Variants in CSMD2 observed in about 807,000 individuals in gnomAD.
The protein encoded by CSMD2 is CUB and Sushi multiple domains 2.
A neutral mutation model predicts 398.5 loss-of-function variants in CSMD2; 130 were observed. That is an observed-to-expected ratio of 0.33 (90% confidence interval 0.28 to 0.38). The LOEUF (loss-of-function observed/expected upper bound fraction) is 0.38. Ranked by LOEUF, CSMD2 falls within the 10% of genes least tolerant of loss-of-function variation. The pLI, the probability that CSMD2 is intolerant of heterozygous loss-of-function variation, is 1.00. For synonymous variants in CSMD2, 1,828 were observed against 1,908.5 expected (o/e 0.96, Z 1.10); for missense variants, 3,829 against 4,764.9 (o/e 0.80, Z 5.78).
chr1:33,810,993 T>C, intron 9 of CSMD2, 129 bp from the exon 10 acceptor site: 1 of 1,028,388 alleles, frequency 9.7e-7, no homozygotes, highest in South Asian at 1.5e-5. Context: ...TTCTGCTTCC[T>C]GGGTCCTTCC....
At chr1:34,029,983 C>T (rs780754862) in intron 3 of CSMD2, among the ~76,000 whole-genome samples, 2 of 152,184 alleles carry the variant, frequency 1.3e-5, no homozygotes, top group African/African-American at 2.4e-5. Flanking sequence ...GATCCACTGG[C>T]CTCTAATTTA....
At chr1:33,772,539 C>T (rs368180981) in intron 13 of CSMD2, 30 bp downstream of exon 13, 9 of 1,595,098 alleles carry the variant, frequency 5.6e-6, no homozygotes, top group Admixed American at 3.4e-5. Flanking sequence ...CAGTGAAGAC[C>T]CTGGCGTGGC....
rs140799147 is a variant in CSMD2 at position 33,569,402 on chromosome 1, G to C, written c.8103C>G (p.Leu2701=). Residue 2701 remains leucine (L), a synonymous_variant, in exon 52 of 71, where the codon CTC becomes CTG. Transcript: ENST00000373381. ...SRVRECMANG[L]WSGSEVRCLA... Reference sequence around the variant, plus strand: ...GGCAGCGGACTTCAGAGCCACTCCAGAGCCCATTGGCCATGCACTCACGCA... The same window carrying C: ...GGCAGCGGACTTCAGAGCCACTCCACAGCCCATTGGCCATGCACTCACGCA... 5 of 1,614,082 alleles carry C rather than the reference G, an allele frequency of 3.1e-6. No homozygotes were observed. The African/African-American group carries it at 5.3e-5, about 17-fold the overall frequency.
At chr1:33,576,865 GTCATAAATCATAAAA>G (rs1469040952) in intron 49 of CSMD2, among the ~76,000 whole-genome samples, 1 of 151,306 alleles carries the variant, frequency 6.6e-6, no homozygotes, top group African/African-American at 2.4e-5. Context: ...GGAAAAAACT[GTCATAAATCATAAAA>G]TCATAAATCA....
At chr1:33,541,908 C>G (rs1773027) in intron 58 of CSMD2, among the ~76,000 whole-genome samples, 101,921 of 151,958 alleles carry the variant, frequency 0.67, 34,411 homozygotes, top group African/African-American at 0.72. Flanking sequence ...GTTGTACCTA[C>G]GAGGCCTCTG....
At chr1:33,829,897 C>T (rs537255022) in intron 6 of CSMD2, among the ~76,000 whole-genome samples, 4 of 152,192 alleles carry the variant, frequency 2.6e-5, no homozygotes, top group Middle Eastern at 3.2e-3. Context: ...CACGGAGTGT[C>T]GCTGATTGCT....
At chr1:33,902,314 C>T (rs1642808534) in intron 5 of CSMD2, among the ~76,000 whole-genome samples, 1 of 152,198 alleles carries the variant, frequency 6.6e-6, no homozygotes, top group African/African-American at 2.4e-5. Context: ...CCCTGCCTGA[C>T]ACAACATAGA....
chr1:34,150,342 C>T (rs1296616429), intron 1 of CSMD2, among the ~76,000 whole-genome samples: 1 of 152,200 alleles, frequency 6.6e-6, no homozygotes, highest in African/African-American at 2.4e-5. Context: ...ACCTTAGTCT[C>T]TCAGAGTGCT....
intron 2 of CSMD2, among the ~76,000 whole-genome samples, chr1:34,066,696 C>G (rs190492887): frequency 6.6e-6 from 1 of 152,054 alleles, no homozygotes; most frequent in Non-Finnish European, 1.5e-5. Flanking sequence ...CGGGCTTGGA[C>G]GCAGCAGGAT....
At chr1:33,817,148 A>G (rs1657560151) in intron 9 of CSMD2, among the ~76,000 whole-genome samples, 1 of 152,194 alleles carries the variant, frequency 6.6e-6, no homozygotes, top group South Asian at 2.1e-4. Flanking sequence ...TTGCCAAAAT[A>G]AAAAGACGCT....
intron 24 of CSMD2, among the ~76,000 whole-genome samples, chr1:33,693,314 AG>A (rs1471405699): frequency 2.0e-5 from 3 of 152,242 alleles, no homozygotes; most frequent in African/African-American, 7.2e-5. Flanking sequence ...TTCTCCAAAG[AG>A]GATATATAAA....
At chr1:33,928,425 C>G (rs563168857) in intron 4 of CSMD2, among the ~76,000 whole-genome samples, 50 of 152,358 alleles carry the variant, frequency 3.3e-4, no homozygotes, top group Non-Finnish European at 5.6e-4. Flanking sequence ...ATAGATACCC[C>G]TCACTGAGTC....
At chr1:33,940,988 AT>A (rs960634818) in intron 3 of CSMD2, among the ~76,000 whole-genome samples, 83 of 148,078 alleles carry the variant, frequency 5.6e-4, no homozygotes, top group African/African-American at 1.8e-3. Flanking sequence ...GTGTTCTTTG[AT>A]TTTTTTTTTT....
chr1:34,148,948 C>A (rs1224823181), intron 1 of CSMD2, among the ~76,000 whole-genome samples: 1 of 152,166 alleles, frequency 6.6e-6, no homozygotes, highest in Non-Finnish European at 1.5e-5. Context: ...TTGAACCACA[C>A]CTCAGAAGCC....
At chr1:33,548,338 C>T (rs561729650) in intron 56 of CSMD2, among the ~76,000 whole-genome samples, 1 of 152,282 alleles carries the variant, frequency 6.6e-6, no homozygotes, top group South Asian at 2.1e-4. Flanking sequence ...CAGGATATTG[C>T]ACCATGGGGG....
At chr1:34,016,652 T>C (rs1170600530) in intron 3 of CSMD2, among the ~76,000 whole-genome samples, 3 of 152,206 alleles carry the variant, frequency 2.0e-5, no homozygotes, top group African/African-American at 7.2e-5. Context: ...TGGACATGTA[T>C]GTTTATTGCA....
chr1:33,535,722 G>A (rs137875094), intron 62 of CSMD2, among the ~76,000 whole-genome samples: 1 of 152,144 alleles, frequency 6.6e-6, no homozygotes, highest in African/African-American at 2.4e-5. Flanking sequence ...CTGCAGACTT[G>A]CTAGCTGGCC....
At chr1:33,528,425 C>T in intron 64 of CSMD2, among the ~76,000 whole-genome samples, 1 of 152,234 alleles carries the variant, frequency 6.6e-6, no homozygotes, top group East Asian at 1.9e-4. Context: ...GGGAGCACAG[C>T]TTTAGCAAAT....
intron 2 of CSMD2, among the ~76,000 whole-genome samples, chr1:34,047,532 C>A (rs1478403099): frequency 6.6e-6 from 1 of 152,102 alleles, no homozygotes; most frequent in Non-Finnish European, 1.5e-5. Flanking sequence ...TTACGTCTAC[C>A]TTTTCCCACC....
Sources: gnomAD v4.1 joint callset for allele counts (sites outside exome capture counted in the v4.1 genomes callset) on GRCh38, gnomAD v4.1.1 for gene constraint, MANE v1.5 for transcripts, NCBI Gene and HGNC (gene_info 2026-07-23, HGNC 2026-07-21) for gene names.